The following DUOX1 variants were observed in gnomAD, a reference collection of about 807,000 sequenced individuals.
The protein encoded by DUOX1 is dual oxidase 1.
Under a neutral mutation model 181.8 loss-of-function variants are expected in DUOX1, and 134 were observed. That is an observed-to-expected ratio of 0.74 (90% confidence interval 0.64 to 0.85). The LOEUF (loss-of-function observed/expected upper bound fraction) is 0.85. Ranked by LOEUF, DUOX1 falls within the 40% of genes least tolerant of loss-of-function variation. The pLI, the probability that DUOX1 is intolerant of heterozygous loss-of-function variation, is 0.00. For synonymous variants in DUOX1, 798 were observed against 832.5 expected, an observed-to-expected ratio of 0.96 and a Z score of 0.71; for missense variants, 1,814 against 2,064.4, an observed-to-expected ratio of 0.88 and a Z score of 2.35.
chr15:45,162,490 G>A (rs1897134556), intron 31 of DUOX1, 113 bp downstream of exon 31: 1 of 1,425,630 alleles, frequency 7.0e-7, no homozygotes, highest in South Asian at 1.4e-5. Context: ...CTGGGCAGGG[G>A]CAAGTTGGTT....
rs146508780 is a variant in DUOX1 at position 45,154,208 on chromosome 15, C to T, written c.3574+208C>T. On this transcript the variant is annotated intron_variant, in intron 27 of 33. Coordinates refer to ENST00000389037, the MANE Select transcript of DUOX1 (RefSeq NM_175940.3). ...CTCCTCGCAGGAGCTCAACTGGGTT[C>T]CTGCCCCTACTTTGGGCTAGTTCCT... Among the ~76,000 whole-genome samples, 924 of 152,290 alleles carry T rather than the reference C, an allele frequency of 6.1e-3. 10 individuals are homozygous for T. Among genetic ancestry groups the T allele is most frequent in the African/African-American group, 0.022 (898 of 41,564 alleles).
chr15:45,162,013 C>T, intron 30 of DUOX1, 43 bp downstream of exon 30: 1 of 1,550,764 alleles, frequency 6.4e-7, no homozygotes, highest in South Asian at 1.2e-5. Context: ...CCCATATCCC[C>T]TTTGAAGGCT....
At chr15:45,160,709 G>A (rs770110073) in intron 28 of DUOX1, 128 bp from the exon 29 acceptor site, 26 of 1,244,656 alleles carry the variant, frequency 2.1e-5, no homozygotes, top group Non-Finnish European at 2.9e-5. Flanking sequence ...CCTAGAAGGA[G>A]CATGGTACGT....
rs1024913898 is a variant in DUOX1, at chr15:45,133,918, A to G, written c.113A>G (p.Asn38Ser). Residue 38 changes from asparagine (N) to serine (S), a missense_variant, in exon 3 of 34, where the codon AAC becomes AGC. By Grantham distance (46) the Asn-to-Ser change is conservative (BLOSUM62 1). Transcript: ENST00000389037. ...EVQRFDGWYN[N>S]LMEHRWGSKG... ...CAGCGATTTGATGGGTGGTACAACAACCTCATGGAGCACAGATGGGGCAGC... is the reference window on the plus strand; with the variant it reads ...CAGCGATTTGATGGGTGGTACAACAGCCTCATGGAGCACAGATGGGGCAGC... 3.8e-5 allele frequency: 62 copies of G among 1,613,788 alleles called. No homozygotes were observed. Among genetic ancestry groups the G allele is most frequent in the Non-Finnish European group, 4.9e-5 (58 of 1,179,934 alleles).
At chr15:45,164,740 G>A (rs1897185724) in intron 33 of DUOX1, 39 bp from the exon 34 acceptor site, 1 of 1,613,654 alleles carries the variant, frequency 6.2e-7, no homozygotes, top group African/African-American at 1.3e-5. Context: ...CCCTGCCTCT[G>A]AGCAAAGAGT....
intron 9 of DUOX1, 79 bp from the exon 10 acceptor site, chr15:45,137,845 C>T (rs867521713): frequency 4.3e-6 from 5 of 1,156,908 alleles, no homozygotes; most frequent in Admixed American, 2.2e-5. Context: ...CCCTGGATAC[C>T]GCCTCAGAGA....
intron 24 of DUOX1, 63 bp downstream of exon 24, chr15:45,152,115 G>A: frequency 1.3e-6 from 2 of 1,572,768 alleles, no homozygotes; most frequent in South Asian, 1.2e-5. Context: ...CGCCCTGGGG[G>A]TGGGGCCTGC....
chr15:45,153,078 G>A, intron 25 of DUOX1: 1 of 365,562 alleles, frequency 2.7e-6, no homozygotes, highest in Non-Finnish European at 5.0e-6. Flanking sequence ...AAAATCAGCT[G>A]GGTGTGGTGG....
rs1242037798 is a variant in DUOX1, at chr15:45,144,927, G to A, written c.2169G>A (p.Gln723=). 1 of 1,612,934 alleles carries A rather than the reference G, an allele frequency of 6.2e-7. No homozygotes were observed. Among genetic ancestry groups the A allele is most frequent in the South Asian group, 1.1e-5 (1 of 90,944 alleles). ...VLLFNLEEER[Q]ALVENLRGAL... ...TGTTTAACTTGGAGGAAGAGCGGCA[G>A]GCGCTGGTGGAAAATCTCCGGGGAG... The change falls in exon 18 of 34, where the codon CAG becomes CAA. Residue 723 remains glutamine, a synonymous_variant. Transcript: ENST00000389037.
At chr15:45,135,711 G>A (rs916001662) in intron 6 of DUOX1, 36 bp downstream of exon 6, 158 of 1,440,530 alleles carry the variant, frequency 1.1e-4, no homozygotes, top group Non-Finnish European at 1.4e-4. Context: ...CCGGCTGGGG[G>A]TCTGCGAGTG....
chr15:45,138,916 C>T, intron 10 of DUOX1, 150 bp from the exon 11 acceptor site: 4 of 683,558 alleles, frequency 5.9e-6, no homozygotes, highest in Non-Finnish European at 9.8e-6. Context: ...GGGGAATCAA[C>T]CTGCAGAAGA....
chr15:45,157,767 C>T lies in DUOX1; in HGVS notation c.3702+1838C>T, dbSNP rs187836878. Among the ~76,000 whole-genome samples the T allele has an allele frequency of 3.3e-3, 496 of 150,454 alleles. 3 individuals are homozygous for T. Among genetic ancestry groups the T allele is most frequent in the African/African-American group, 0.012 (478 of 40,916 alleles). ...CCAGGAGGTGAAGGTTGCAGTGAGC[C>T]GAGATCATGCCATTACACTCTACCC... is the stretch of plus-strand genomic sequence containing the variant. On this transcript the variant is annotated intron_variant, in intron 28 of 33. Coordinates refer to ENST00000389037, the MANE Select transcript of DUOX1 (RefSeq NM_175940.3).
At chr15:45,146,155 A>G (rs1896647141) in intron 18 of DUOX1, among the ~76,000 whole-genome samples, 1 of 152,190 alleles carries the variant, frequency 6.6e-6, no homozygotes, top group African/African-American at 2.4e-5. Flanking sequence ...GTTTTGGCTC[A>G]GAGGAAAGGA....
Position 45,161,978 on chromosome 15 carries a change from A to C in DUOX1, c.4089+8A>C. Reference sequence around the variant, plus strand: ...TGTGCCAGATACCCAAAGGTACCAGACCCTGGCCAGACATGCCACATGCGC... The same window carrying C: ...TGTGCCAGATACCCAAAGGTACCAGCCCCTGGCCAGACATGCCACATGCGC... On this transcript the variant is annotated splice_region_variant and intron_variant, in intron 30 of 33. Transcript: ENST00000389037. 11 of 1,603,346 alleles carry C rather than the reference A, an allele frequency of 6.9e-6. No individual in the cohort carries two copies. The highest frequency in any genetic ancestry group is 9.4e-6 in the Non-Finnish European group (11 of 1,174,618).
At chr15:45,143,163 C>T in intron 15 of DUOX1, 27 bp from the exon 16 acceptor site, 1 of 1,597,230 alleles carries the variant, frequency 6.3e-7, no homozygotes, top group Non-Finnish European at 8.6e-7. Context: ...CCCACGTCTC[C>T]CTGAACCTCT....
At chr15:45,147,409 C>T in intron 18 of DUOX1, 24 bp from the exon 19 acceptor site, 1 of 1,609,030 alleles carries the variant, frequency 6.2e-7, no homozygotes, top group African/African-American at 1.3e-5. Context: ...TCCTCTCCCT[C>T]CCTCTGCTTC....
chr15:45,148,846 C>T (rs914887764), intron 21 of DUOX1, among the ~76,000 whole-genome samples: 2 of 151,952 alleles, frequency 1.3e-5, no homozygotes, highest in Non-Finnish European at 2.9e-5. Context: ...GAGACTGTCT[C>T]CCTGTTACAG....
chr15:45,139,263 G>A, intron 11 of DUOX1, 95 bp downstream of exon 11: 3 of 1,606,534 alleles, frequency 1.9e-6, no homozygotes, highest in Non-Finnish European at 2.6e-6. Context: ...GGGTGCCTGG[G>A]GCTGGGAGCC....
chr15:45,162,030 C>A, intron 30 of DUOX1, 60 bp downstream of exon 30: 1 of 1,523,380 alleles, frequency 6.6e-7, no homozygotes, highest in African/African-American at 1.4e-5. Context: ...GGCTTTGGCC[C>A]GGCAGCACTA....
Sources: gnomAD v4.1 joint callset for allele counts (sites outside exome capture counted in the v4.1 genomes callset) on GRCh38, gnomAD v4.1.1 for gene constraint, MANE v1.5 for transcripts, NCBI Gene and HGNC (gene_info 2026-07-23, HGNC 2026-07-21) for gene names.